The following AGO2 variants were observed in gnomAD, a reference collection of about 807,000 sequenced individuals.
The protein encoded by AGO2 is protein argonaute-2.
AGO2 carries 5 observed loss-of-function variants against 102.3 expected under a neutral mutation model. That is an observed-to-expected ratio of 0.05 (90% confidence interval 0.03 to 0.10). AGO2 has a LOEUF of 0.10. Ranked by LOEUF, AGO2 falls within the 10% of genes least tolerant of loss-of-function variation. The pLI, the probability that AGO2 is intolerant of heterozygous loss-of-function variation, is 1.00. For synonymous variants in AGO2, 449 were observed against 473.1 expected, an observed-to-expected ratio of 0.95 and a Z score of 0.66; for missense variants, 541 against 1,183.7, an observed-to-expected ratio of 0.46 and a Z score of 7.97.
intron 10 of AGO2, 43 bp from the exon 11 acceptor site, chr8:140,551,479 C>T (rs1267181950): frequency 6.8e-7 from 1 of 1,472,924 alleles, no homozygotes; most frequent in Non-Finnish European, 9.1e-7. Flanking sequence ...AAATGGAAAA[C>T]ATATTCCTTC....
intron 11 of AGO2, among the ~76,000 whole-genome samples, chr8:140,551,010 C>T (rs2072984002): frequency 1.3e-5 from 2 of 152,246 alleles, no homozygotes; most frequent in South Asian, 4.1e-4. Context: ...TCTTTTGCCC[C>T]TACTTATAAA....
chr8:140,561,087 G>A (rs560949544), intron 4 of AGO2, among the ~76,000 whole-genome samples: 29 of 152,394 alleles, frequency 1.9e-4, no homozygotes, highest in African/African-American at 5.0e-4. Flanking sequence ...AAGGGCCAGC[G>A]TGAGGGCTTC....
In AGO2 at chr8:140,535,583, G is replaced by A; in HGVS notation, c.2170-14C>T. ...ACTTTTCCCAACCTTCGGCAACACA[G>A]GCATCTCGTTAGACACGGCCAGGGA... On this transcript the variant is annotated splice_polypyrimidine_tract_variant and intron_variant, in intron 16 of 18. Coordinates refer to ENST00000220592, the MANE Select transcript of AGO2 (RefSeq NM_012154.5). 6.2e-7 allele frequency: 1 copy of A among 1,613,814 alleles called. No homozygotes were observed. Among genetic ancestry groups the A allele is most frequent in the Non-Finnish European group, 8.5e-7 (1 of 1,179,664 alleles).
intron 16 of AGO2, among the ~76,000 whole-genome samples, chr8:140,536,757 C>A (rs939070647): frequency 6.6e-6 from 1 of 151,934 alleles, no homozygotes; most frequent in African/African-American, 2.4e-5. Context: ...AGCTGACTTC[C>A]GAGCCCTCCT....
At chr8:140,566,715 G>C (rs1348558155) in intron 3 of AGO2, among the ~76,000 whole-genome samples, 1 of 151,872 alleles carries the variant, frequency 6.6e-6, no homozygotes, top group Non-Finnish European at 1.5e-5. Flanking sequence ...AGAGGGGCGA[G>C]TGCCCCTGTC....
At chr8:140,551,190 C>A in intron 11 of AGO2, 113 bp downstream of exon 11, 1 of 1,271,570 alleles carries the variant, frequency 7.9e-7, no homozygotes, top group Non-Finnish European at 1.0e-6. Context: ...ACATCAAAAC[C>A]CATACCAGCA....
intron 12 of AGO2, among the ~76,000 whole-genome samples, chr8:140,548,326 A>AC (rs1419492695): frequency 6.6e-6 from 1 of 151,868 alleles, no homozygotes; most frequent in Non-Finnish European, 1.5e-5. Context: ...AAAAAAAAAA[A>AC]AAAAAAAGGA....
chr8:140,572,866 A>G lies in AGO2; in HGVS notation c.282T>C (p.Phe94=). Residue 94 remains phenylalanine (F), a synonymous_variant, in exon 3 of 19, where the codon TTT becomes TTC. Coordinates refer to ENST00000220592, the MANE Select transcript of AGO2 (RefSeq NM_012154.5). ...TQIFGDRKPV[F]DGRKNLYTAM... ...CTGTGTATAGATTCTTCCTGCCGTC[A>G]AACACGGGCTTCCGATCCCCAAAGA... The G allele has an allele frequency of 6.2e-7, 1 of 1,614,170 alleles. No individual in the cohort carries two copies. The highest frequency in any genetic ancestry group is 8.5e-7 in the Non-Finnish European group (1 of 1,180,018).
At chr8:140,629,886 AGGAGGGGAGGGGAGGGGAGC>A (rs1554598453) in intron 1 of AGO2, among the ~76,000 whole-genome samples, 2 of 58,936 alleles carry the variant, frequency 3.4e-5, no homozygotes, top group Non-Finnish European at 6.6e-5. Context: ...CAGGGGGAAG[AGGAGGGGAGGGGAGGGGAGC>A]GGAGGCGAGG....
intron 1 of AGO2, among the ~76,000 whole-genome samples, chr8:140,632,906 CT>C (rs56679517): frequency 1.2e-3 from 168 of 142,528 alleles, no homozygotes; most frequent in Admixed American, 1.4e-3. Flanking sequence ...TTTTTCTTTT[CT>C]TTTTTTTTTT....
chr8:140,634,484 A>T (rs2074378226), intron 1 of AGO2, among the ~76,000 whole-genome samples: 1 of 152,226 alleles, frequency 6.6e-6, no homozygotes. Context: ...CCCAGCGGCC[A>T]GGCCGGCCGA....
chr8:140,607,498 AT>A (rs2074018212), intron 1 of AGO2, among the ~76,000 whole-genome samples: 1 of 17,756 alleles, frequency 5.6e-5, no homozygotes, highest in Non-Finnish European at 1.5e-4. Flanking sequence ...ATATATATAT[AT>A]ATATATATAT....
At chr8:140,577,881 C>T (rs2073491348) in intron 2 of AGO2, among the ~76,000 whole-genome samples, 1 of 152,236 alleles carries the variant, frequency 6.6e-6, no homozygotes, top group Non-Finnish European at 1.5e-5. Flanking sequence ...TCCTGCAGGC[C>T]CCTGGAGGCG....
intron 16 of AGO2, 73 bp from the exon 17 acceptor site, chr8:140,535,642 C>T (rs190620968): frequency 7.0e-5 from 102 of 1,458,618 alleles, no homozygotes; most frequent in Middle Eastern, 7.0e-4. Flanking sequence ...CAGGCAGCCG[C>T]GCCGCCCGCT....
chr8:140,608,658 C>T (rs1278705992), intron 1 of AGO2, among the ~76,000 whole-genome samples: 4 of 152,234 alleles, frequency 2.6e-5, no homozygotes, highest in Admixed American at 6.5e-5. Flanking sequence ...GGACAATCCA[C>T]GGGGAAGTGC....
chr8:140,569,846 G>C (rs900152727), intron 3 of AGO2, among the ~76,000 whole-genome samples: 14 of 152,188 alleles, frequency 9.2e-5, no homozygotes, highest in African/African-American at 3.1e-4. Context: ...GGAGATTTAG[G>C]AGCTTCGTGT....
chr8:140,631,307 C>G (rs2074338191), intron 1 of AGO2, among the ~76,000 whole-genome samples: 1 of 151,972 alleles, frequency 6.6e-6, no homozygotes, highest in Non-Finnish European at 1.5e-5. Context: ...TTTGGGAGGC[C>G]GAGGCAGGTA....
At chr8:140,609,384 C>T (rs570499025) in intron 1 of AGO2, among the ~76,000 whole-genome samples, 5 of 152,348 alleles carry the variant, frequency 3.3e-5, no homozygotes, top group African/African-American at 7.2e-5. Flanking sequence ...CTCCAGCCCA[C>T]GCTTGGGGGT....
In AGO2 at chr8:140,549,345, G is replaced by T. The variant is rs754768920; in HGVS notation, c.1404-47C>A. On this transcript the variant is annotated intron_variant, in intron 11 of 18. Transcript: ENST00000220592. ...ACTACCGGGCACTGGGAATGGCAGA[G>T]AACTCAGGCCGACCAGAGGCTCTAA... 19 of 1,528,118 alleles carry T rather than the reference G, an allele frequency of 1.2e-5. No individual in the cohort carries two copies. The East Asian group carries it at 3.9e-4, about 31-fold the overall frequency. The allele number at this position is 1,528,118 out of a possible 1,614,324, so 94.7% of individuals were successfully genotyped here. A position where few individuals can be genotyped will look rare whatever the true frequency, so the allele number is the denominator to read the frequency against.
Sources: allele counts gnomAD v4.1 joint callset (sites outside exome capture counted in the v4.1 genomes callset), GRCh38; gene constraint gnomAD v4.1.1; transcripts MANE v1.5; gene names NCBI Gene and HGNC (gene_info 2026-07-23, HGNC 2026-07-21).